MUC5B: variants seen among roughly 807,000 people sequenced by gnomAD.
MUC5B encodes mucin 5B, oligomeric mucus/gel-forming.
Under a neutral mutation model 376.9 loss-of-function variants are expected in MUC5B, and 116 were observed. The ratio of observed to expected loss-of-function variants is 0.31; its 90% CI spans 0.26 to 0.36. The LOEUF (loss-of-function observed/expected upper bound fraction) is 0.36, where lower values mean the gene tolerates loss of function less well. Among genes scored for constraint, MUC5B ranks in the 10% least tolerant of loss-of-function variants. MUC5B has a pLI of 1.00. For synonymous variants in MUC5B, 3,517 were observed against 3,390.9 expected, an observed-to-expected ratio of 1.04 and a Z score of -1.29; for missense variants, 7,165 against 7,769.9, an observed-to-expected ratio of 0.92 and a Z score of 2.93.
At chr11:1,256,497 C>T (rs1360205782) in intron 38 of MUC5B, 174 bp from the exon 39 acceptor site, 100 of 462,826 alleles carry the variant, frequency 2.2e-4, no homozygotes, top group Middle Eastern at 5.6e-4. Context: ...TAGCCCCGCC[C>T]ACCCCCACCC....
chr11:1,228,824 G>A lies in MUC5B; in HGVS notation c.976+59G>A, dbSNP rs536366931. Reference sequence around the variant, plus strand: ...GCCAGAGAGAAGGGGCAGGGGGAGCGCCTTGGGGGCCACTGGGGGTGGGGA... The same window carrying A: ...GCCAGAGAGAAGGGGCAGGGGGAGCACCTTGGGGGCCACTGGGGGTGGGGA... On this transcript the variant is annotated intron_variant, in intron 8 of 48. Transcript: ENST00000529681. 360 of 886,022 alleles carry A rather than the reference G, an allele frequency of 4.1e-4. 1 individual carries two copies. Among genetic ancestry groups the A allele is most frequent in the Non-Finnish European group, 5.3e-4 (348 of 655,024 alleles). The allele number at this position is 886,022 out of a possible 1,614,324, so 54.9% of individuals were successfully genotyped here.
rs1236059312 is a variant in MUC5B at position 1,225,685 on chromosome 11, C to G, written c.75C>G (p.Thr25=). ...AAMLVVPQAE[T]QGPVEPSWEN... ...TCCCATTCCCTCTTCCCACAGAGAC[C>G]CAGGGCCCTGTGGAGCCGAGCTGGG... Residue 25 remains threonine (T), a synonymous_variant, in exon 2 of 49, where the codon ACC becomes ACG. Transcript: ENST00000529681. The G allele has an allele frequency of 1.2e-6, 2 of 1,602,358 alleles. No individual in the cohort carries two copies. The highest frequency in any genetic ancestry group is 2.7e-5 in the African/African-American group (2 of 74,750).
rs1452552134 is a variant in MUC5B at position 1,234,742 on chromosome 11, T to C, written c.2630+62T>C. On this transcript the variant is annotated intron_variant, in intron 21 of 48. Coordinates refer to ENST00000529681, the MANE Select transcript of MUC5B (RefSeq NM_002458.3). This position sits in a 1 kb window ranked among gnomAD's most constrained non-coding sequence, Gnocchi z 6.3. The stretch of plus-strand genomic sequence containing the variant: ...GGGCGGGGGCGGGGAGGGCAGCGGG[T>C]GGGGAGGCAGCGGGCAGGGAGGGCA... 1.1e-4 allele frequency: 6 copies of C among 52,290 alleles called. No individual in the cohort carries two copies. The highest frequency in any genetic ancestry group is 7.7e-4 in the African/African-American group (5 of 6,514). The allele number at this position is 52,290 out of a possible 1,614,324, so 3.2% of individuals were successfully genotyped here. A position where few individuals can be genotyped will look rare whatever the true frequency, so the allele number is the denominator to read the frequency against.
Position 1,242,956 on chromosome 11 carries a change from A to T in MUC5B, c.6076A>T (p.Thr2026Ser). ...CCACACCTCCACAGTGCTTACCGCC[A>T]CGGCCACCACAACTGGGGCCACCGG... ...TAHTSTVLTATATTTGATGSV... is the reference protein window; with the variant it reads ...TAHTSTVLTASATTTGATGSV... Residue 2026 changes from threonine to serine, a missense_variant, in exon 31 of 49, where the codon ACG becomes TCG. Transcript: ENST00000529681. The T allele has an allele frequency of 6.2e-7, 1 of 1,613,098 alleles. No individual in the cohort carries two copies. Among genetic ancestry groups the T allele is most frequent in the South Asian group, 1.1e-5 (1 of 91,002 alleles).
chr11:1,242,925 G>C lies in MUC5B; in HGVS notation c.6045G>C (p.Glu2015Asp), dbSNP rs752011675. 6.2e-7 allele frequency: 1 copy of C among 1,612,410 alleles called. No homozygotes were observed. The change falls in exon 31 of 49, where the codon GAG (glutamate) becomes GAC (aspartate). Residue 2015 changes from glutamate (E) to aspartate (D), a missense_variant. By Grantham distance (45) the Glu-to-Asp change is conservative (BLOSUM62 2). This residue lies in a region of MUC5B where 897 missense variants were observed against 779.6 expected (regional missense o/e 1.15). Transcript: ENST00000529681. The stretch of plus-strand genomic sequence containing the variant: ...CAGCCACACCCTCCTCCACTCCAGA[G>C]ACTGCCCACACCTCCACAGTGCTTA... The part of the protein sequence containing the change: ...MSTATPSSTP[E>D]TAHTSTVLTA...
In MUC5B at chr11:1,245,150, G is replaced by C; in HGVS notation, c.8270G>C (p.Arg2757Pro). 6.4e-7 allele frequency: 1 copy of C among 1,560,892 alleles called. No homozygotes were observed. The highest frequency in any genetic ancestry group is 1.9e-5 in the Admixed American group (1 of 52,504). The part of the protein sequence containing the change: ...VPNTTATTHG[R>P]SLSPSSPHTV... ...AACACCACGGCCACCACACACGGGC[G>C]ATCCCTGTCCCCCAGCAGTCCCCAC... Residue 2757 changes from arginine to proline, a missense_variant, in exon 31 of 49, where the codon CGA (arginine) becomes CCA (proline). By Grantham distance (103) the Arg-to-Pro change is moderately radical. Coordinates refer to ENST00000529681, the MANE Select transcript of MUC5B (RefSeq NM_002458.3).
Position 1,241,646 on chromosome 11 carries a change from A to G in MUC5B, c.4766A>G (p.Tyr1589Cys). The G allele has an allele frequency of 6.2e-7, 1 of 1,612,466 alleles. No homozygotes were observed. The highest frequency in any genetic ancestry group is 8.5e-7 in the Non-Finnish European group (1 of 1,179,676). The change falls in exon 31 of 49, where the codon TAC becomes TGC. Residue 1589 changes from tyrosine to cysteine, a missense_variant. Around this residue, in one of 31 missense-constraint regions of MUC5B, gnomAD observed 25 missense variants for 46.5 expected, o/e 0.54. Transcript: ENST00000529681. The stretch of plus-strand genomic sequence containing the variant: ...CAGGAGGGCGTCTTCAAGATGTGCT[A>G]CAACTACAGGATCCGGGTCCTCTGC... ...WEQEGVFKMCYNYRIRVLCCS... is the reference protein window; with the variant it reads ...WEQEGVFKMCCNYRIRVLCCS...
rs902203998 is a variant in MUC5B, at chr11:1,260,331, C to G, written c.16924-20C>G. The G allele has an allele frequency of 1.2e-6, 2 of 1,612,034 alleles. No homozygotes were observed. The highest frequency in any genetic ancestry group is 2.2e-5 in the East Asian group (1 of 44,868). ...GAGGCCCCGCCCACAGCCCTGCCCC[C>G]TGTCTTTGGCCCCCACCAGGGGAGC... On this transcript the variant is annotated intron_variant, in intron 46 of 48. Transcript: ENST00000529681.
intron 8 of MUC5B, 70 bp from the exon 9 acceptor site, chr11:1,229,100 G>A: frequency 1.4e-6 from 2 of 1,442,718 alleles, no homozygotes; most frequent in Non-Finnish European, 1.8e-6. Context: ...GCCGTGGAAG[G>A]CGGCTGGGGC....
In MUC5B at chr11:1,250,199, C is replaced by T. The variant is rs2943516; in HGVS notation, c.13319C>T (p.Pro4440Leu). The change falls in exon 31 of 49, where the codon CCG becomes CTG. Residue 4440 changes from proline (P) to leucine (L), a missense_variant. Pro to Leu is a moderately conservative substitution (Grantham distance 98). Coordinates refer to ENST00000529681, the MANE Select transcript of MUC5B (RefSeq NM_002458.3). ...TTASTGSTAT[P>L]SSTPGTTWIL... Reference sequence around the variant, plus strand: ...GCGTCCACTGGATCCACGGCCACCCCGTCCTCCACCCCAGGGACCACCTGG... The same window carrying T: ...GCGTCCACTGGATCCACGGCCACCCTGTCCTCCACCCCAGGGACCACCTGG... The T allele has an allele frequency of 0.45, 714,584 of 1,579,942 alleles. 162,493 individuals carry two copies. The highest frequency in any genetic ancestry group is 0.69 in the East Asian group (30,865 of 44,666).
Position 1,233,907 on chromosome 11 carries a change from T to G in MUC5B, c.2377+59T>G, listed in dbSNP as rs931433580. On this transcript the variant is annotated intron_variant, in intron 19 of 48. Coordinates refer to ENST00000529681, the MANE Select transcript of MUC5B (RefSeq NM_002458.3). ...CCGCCCCGCATCACCCCGCCTGGCC[T>G]GGCCCCAACACGCCCCACCCTGCCC... is the stretch of plus-strand genomic sequence containing the variant. The G allele has an allele frequency of 8.0e-6, 12 of 1,502,550 alleles. No individual in the cohort carries two copies. In the Admixed American group the frequency reaches 2.4e-4, roughly 30 times the overall value. 93.1% of individuals were successfully genotyped at this position (1,502,550 alleles called of 1,614,324 possible).
intron 34 of MUC5B, 93 bp downstream of exon 34, chr11:1,254,444 C>T (rs1002109342): frequency 8.6e-6 from 13 of 1,512,082 alleles, no homozygotes; most frequent in East Asian, 4.7e-5. Context: ...GGTGCCGCAG[C>T]GATGGCCCAG....
At chr11:1,239,623 T>TG (rs962022596) in intron 27 of MUC5B, 57 bp downstream of exon 27, 239 of 1,525,512 alleles carry the variant, frequency 1.6e-4, no homozygotes, top group Non-Finnish European at 1.7e-4. Flanking sequence ...CGAGTGTACG[T>TG]GGGGGGGCGG....
intron 9 of MUC5B, 119 bp from the exon 10 acceptor site, chr11:1,229,571 G>T (rs1861973892): frequency 6.5e-6 from 6 of 927,480 alleles, no homozygotes; most frequent in African/African-American, 1.6e-5. Context: ...CAGGGCGGGG[G>T]CGGTGTCCTG....
In MUC5B at chr11:1,259,800, C is replaced by A; in HGVS notation, c.16758C>A (p.Cys5586Ter). The A allele has an allele frequency of 6.2e-7, 1 of 1,612,346 alleles. No homozygotes were observed. The highest frequency in any genetic ancestry group is 1.1e-5 in the South Asian group (1 of 91,084). Residue 5586 changes from cysteine (C) to a stop codon, truncating the protein, a stop_gained, in exon 45 of 49, where the codon TGC (cysteine) becomes TGA (stop). Coordinates refer to ENST00000529681, the MANE Select transcript of MUC5B (RefSeq NM_002458.3). LOFTEE classifies it high-confidence loss of function. ...KRVAGQCCGE[C>*]VQTACLTPDG... is the part of the protein sequence containing the mutation. ...TGGCCGGGCAGTGCTGTGGGGAGTG[C>A]GTCCAGACCGCCTGCCTCACGCCCG...
Position 1,234,203 on chromosome 11 carries a change from AG to A in MUC5B, c.2379del, listed in dbSNP as rs1364480088. Reference sequence around the variant, plus strand: ...ACCCCTCCCACCAAGCTCTGTCCCCAGGGTGTGCAGCCCCCATGGTGTACCT... The same window carrying A: ...ACCCCTCCCACCAAGCTCTGTCCCCAGGTGTGCAGCCCCCATGGTGTACCT... On this transcript the variant is annotated splice_acceptor_variant, in intron 19 of 48. Transcript: ENST00000529681. LOFTEE classifies it high-confidence loss of function. The surrounding 1 kb of genome is among the most constrained non-coding windows in gnomAD (Gnocchi z 6.3). 6.3e-7 allele frequency: 1 copy of A among 1,598,038 alleles called. No homozygotes were observed. The highest frequency in any genetic ancestry group is 2.3e-5 in the East Asian group (1 of 44,420).
At chr11:1,230,330 C>A (rs1304782304) in intron 11 of MUC5B, among the ~76,000 whole-genome samples, 160 bp from the exon 12 acceptor site, 2 of 152,182 alleles carry the variant, frequency 1.3e-5, no homozygotes, top group Non-Finnish European at 2.9e-5. Flanking sequence ...GGCCAAGGAG[C>A]CCCCAGGCCC....
Position 1,248,045 on chromosome 11 carries a change from T to A in MUC5B, c.11165T>A (p.Leu3722His). ...TCCACCCCAGGGACCACCTGGATCC[T>A]CACAGAGCCGAGCACTACAGCCACC... is the stretch of plus-strand genomic sequence containing the variant. ...PSSTPGTTWILTEPSTTATVT... is the reference protein window; with the variant it reads ...PSSTPGTTWIHTEPSTTATVT... The change falls in exon 31 of 49, where the codon CTC becomes CAC. Residue 3722 changes from leucine to histidine, a missense_variant. By Grantham distance (99) the Leu-to-His change is moderately conservative. This residue lies in a region of MUC5B where 90 missense variants were observed against 71.1 expected (regional missense o/e 1.27). Transcript: ENST00000529681. 1.3e-6 allele frequency: 2 copies of A among 1,597,084 alleles called. No homozygotes were observed. The highest frequency in any genetic ancestry group is 1.7e-6 in the Non-Finnish European group (2 of 1,173,472).
Position 1,234,708 on chromosome 11 carries a change from A to G in MUC5B, c.2630+28A>G, listed in dbSNP as rs1468182953. ...GGGTCGTGAGTCTCTCGGAGGCAGC[A>G]GGTGGGGAGGGCGGGGGCGGGGAGG... On this transcript the variant is annotated intron_variant, in intron 21 of 48. Coordinates refer to ENST00000529681, the MANE Select transcript of MUC5B (RefSeq NM_002458.3). The surrounding 1 kb of genome is among the most constrained non-coding windows in gnomAD (Gnocchi z 6.3). The G allele has an allele frequency of 1.1e-4, 36 of 341,398 alleles. No homozygotes were observed. Among genetic ancestry groups the G allele is most frequent in the Non-Finnish European group, 1.4e-4 (36 of 261,650 alleles). The allele number at this position is 341,398 out of a possible 1,614,324, so 21.1% of individuals were successfully genotyped here.
Sources: gnomAD v4.1 joint callset for allele counts (sites outside exome capture counted in the v4.1 genomes callset) on GRCh38, gnomAD v4.1.1 for gene constraint, gnomAD v4.1.1 regional missense constraint, Gnocchi (gnomAD v3.1) non-coding constraint, MANE v1.5 for transcripts, NCBI Gene and HGNC (gene_info 2026-07-23, HGNC 2026-07-21) for gene names.